Variants in BTBD9 observed in about 807,000 individuals in gnomAD.
The protein encoded by BTBD9 is BTB/POZ domain-containing protein 9.
In BTBD9, 49 loss-of-function variants were observed where a neutral mutation model predicts 64.3. The observed-to-expected ratio is 0.76, with a 90% CI of 0.61 to 0.97. The LOEUF is 0.97. Among genes scored for constraint, BTBD9 ranks in the 50% least tolerant of loss-of-function variants. BTBD9 has a pLI of 0.00. For synonymous variants in BTBD9, 260 were observed against 274.7 expected (o/e 0.95, Z 0.53); for missense variants, 598 against 762.1 (o/e 0.78, Z 2.53).
In BTBD9 at chr6:38,168,866, C is replaced by T. The variant is rs1766629698; in HGVS notation, c.*6119G>A. The T allele has an allele frequency of 6.6e-6, 1 of 152,348 alleles. No homozygotes were observed. The highest frequency in any genetic ancestry group is 1.5e-5 in the Non-Finnish European group (1 of 68,098). The allele number at this position is 152,348 out of a possible 1,614,324, so 9.4% of individuals were successfully genotyped here. A position where few individuals can be genotyped will look rare whatever the true frequency, so the allele number is the denominator to read the frequency against. ...CCTAGCCCTGAGGACCCCTGGCCTC[C>T]TGGCGCCCCTCCAGAGTCTCACGCT... On this transcript the variant is annotated 3_prime_UTR_variant, in exon 11 of 11. Coordinates refer to ENST00000481247, the MANE Select transcript of BTBD9 (RefSeq NM_001099272.2).
intron 10 of BTBD9, among the ~76,000 whole-genome samples, chr6:38,181,207 G>T (rs578104488): frequency 3.3e-5 from 5 of 152,280 alleles, no homozygotes; most frequent in Non-Finnish European, 7.4e-5. Flanking sequence ...CAGAAATTGG[G>T]GAAATTTAAT....
intron 9 of BTBD9, among the ~76,000 whole-genome samples, chr6:38,207,838 T>C (rs1320460624): frequency 6.6e-6 from 1 of 152,110 alleles, no homozygotes; most frequent in Non-Finnish European, 1.5e-5. Flanking sequence ...CAAAATTACT[T>C]TTTAAAAGAG....
chr6:38,250,264 A>G (rs1235244509), intron 9 of BTBD9, among the ~76,000 whole-genome samples: 5 of 152,382 alleles, frequency 3.3e-5, no homozygotes, highest in Non-Finnish European at 7.3e-5. Context: ...GATTGCAGAC[A>G]TAAACAATCT....
intron 1 of BTBD9, among the ~76,000 whole-genome samples, chr6:38,631,959 T>C (rs1778377683): frequency 1.3e-5 from 2 of 152,150 alleles, no homozygotes; most frequent in Admixed American, 1.3e-4. Flanking sequence ...AGAAACCCCG[T>C]CTCTACTAAA....
chr6:38,238,498 A>C (rs1420703386), intron 9 of BTBD9, among the ~76,000 whole-genome samples: 1 of 110,146 alleles, frequency 9.1e-6, no homozygotes, highest in Non-Finnish European at 1.8e-5. Flanking sequence ...TTTGAGACGG[A>C]GTCTCGCTCT....
intron 6 of BTBD9, among the ~76,000 whole-genome samples, chr6:38,404,561 C>A (rs1377028609): frequency 6.6e-6 from 1 of 150,802 alleles, no homozygotes; most frequent in Non-Finnish European, 1.5e-5. Flanking sequence ...TAAAAAAAAA[C>A]AAAACCCCAA....
chr6:38,405,062 G>C (rs1396321748), intron 6 of BTBD9, among the ~76,000 whole-genome samples: 1 of 152,152 alleles, frequency 6.6e-6, no homozygotes, highest in Non-Finnish European at 1.5e-5. Flanking sequence ...AGAAATCAAA[G>C]TAACAATGTA....
intron 9 of BTBD9, among the ~76,000 whole-genome samples, chr6:38,230,495 CAAAAAAAAAAAAA>C (rs55927635): frequency 4.7e-5 from 3 of 63,442 alleles, no homozygotes; most frequent in South Asian, 9.3e-4. Context: ...AACTCCATCT[CAAAAAAAAAAAAA>C]AAAAAAAAAA....
At chr6:38,431,150 T>C (rs1191633092) in intron 6 of BTBD9, among the ~76,000 whole-genome samples, 1 of 151,902 alleles carries the variant, frequency 6.6e-6, no homozygotes, top group African/African-American at 2.4e-5. Flanking sequence ...TGGTTTTCAA[T>C]ACCCATCTGT....
At chr6:38,394,115 T>C (rs186317618) in intron 6 of BTBD9, among the ~76,000 whole-genome samples, 35 of 152,302 alleles carry the variant, frequency 2.3e-4, no homozygotes, top group Middle Eastern at 6.8e-3. Context: ...TCAAGTACTA[T>C]GCTGGGTACT....
intron 9 of BTBD9, among the ~76,000 whole-genome samples, chr6:38,211,424 G>A (rs1038847706): frequency 2.8e-4 from 35 of 125,672 alleles, no homozygotes; most frequent in Middle Eastern, 4.5e-3. Context: ...GCGAGACTCC[G>A]TCTCACAAAA....
intron 8 of BTBD9, among the ~76,000 whole-genome samples, chr6:38,268,033 A>G (rs1765073762): frequency 6.6e-6 from 1 of 152,204 alleles, no homozygotes; most frequent in Non-Finnish European, 1.5e-5. Context: ...CTATAGATAC[A>G]TCACTCCTCT....
intron 4 of BTBD9, 110 bp downstream of exon 4, chr6:38,592,466 C>T (rs73733941): frequency 0.13 from 154,411 of 1,175,590 alleles, 11,390 homozygotes; most frequent in Non-Finnish European, 0.15. Context: ...TATAAACGTA[C>T]ATATTTCATG....
At chr6:38,384,622 C>T (rs528629505) in intron 6 of BTBD9, among the ~76,000 whole-genome samples, 1 of 152,200 alleles carries the variant, frequency 6.6e-6, no homozygotes, top group Non-Finnish European at 1.5e-5. Context: ...TAAGGAAAAC[C>T]ACAGTGCTTT....
intron 6 of BTBD9, among the ~76,000 whole-genome samples, chr6:38,497,638 GA>G (rs1390772951): frequency 6.6e-6 from 1 of 152,140 alleles, no homozygotes; most frequent in Non-Finnish European, 1.5e-5. Flanking sequence ...GGGAGGAAAA[GA>G]AAACTGAGAA....
intron 1 of BTBD9, among the ~76,000 whole-genome samples, chr6:38,598,978 T>C (rs1777157053): frequency 6.6e-6 from 1 of 152,148 alleles, no homozygotes; most frequent in African/African-American, 2.4e-5. Context: ...CATTTATTAA[T>C]GAACATTTGC....
At chr6:38,199,558 A>G (rs940349080) in intron 9 of BTBD9, among the ~76,000 whole-genome samples, 8 of 152,354 alleles carry the variant, frequency 5.3e-5, no homozygotes, top group Middle Eastern at 3.4e-3. Flanking sequence ...TCAGCGTTAA[A>G]AAGGGGCTAT....
intron 6 of BTBD9, among the ~76,000 whole-genome samples, chr6:38,402,164 C>T (rs927024510): frequency 1.3e-4 from 19 of 151,898 alleles, no homozygotes; most frequent in African/African-American, 4.6e-4. Context: ...ACATTGAAAA[C>T]TATAAAGTAT....
intron 8 of BTBD9, among the ~76,000 whole-genome samples, chr6:38,270,036 G>A (rs1161150742): frequency 6.6e-6 from 1 of 152,164 alleles, no homozygotes; most frequent in Non-Finnish European, 1.5e-5. Context: ...AAGCAGAGAT[G>A]AATAAATCAC....
Sources: allele counts gnomAD v4.1 joint callset (sites outside exome capture counted in the v4.1 genomes callset), GRCh38; gene constraint gnomAD v4.1.1; transcripts MANE v1.5; gene names NCBI Gene and HGNC (gene_info 2026-07-23, HGNC 2026-07-21).